Variants in RORA observed in about 807,000 individuals in gnomAD.
RORA encodes RAR related orphan receptor A, also known as nuclear receptor ROR-alpha.
RORA carries 7 observed loss-of-function variants against 69.5 expected under a neutral mutation model. The ratio of observed to expected loss-of-function variants is 0.10; its 90% CI spans 0.06 to 0.19. The LOEUF is 0.19. Among genes scored for constraint, RORA ranks in the 10% least tolerant of loss-of-function variants. The pLI, the probability that RORA is intolerant of heterozygous loss-of-function variation, is 1.00. For missense variants in RORA, 457 were observed against 663.0 expected (o/e 0.69, Z 3.41); for synonymous variants, 261 against 240.8 (o/e 1.08, Z -0.78).
In RORA at chr15:60,706,049, C is replaced by T. The variant is rs147565872; in HGVS notation, c.167-27363G>A. Among the ~76,000 whole-genome samples the T allele has an allele frequency of 4.9e-3, 741 of 152,248 alleles. 7 individuals carry two copies. Among genetic ancestry groups the T allele is most frequent in the African/African-American group, 0.017 (693 of 41,536 alleles). Reference sequence around the variant, plus strand: ...TAGAAAGCACGGTAAAAAGGGCACACGCATAGTTATTTAGGCTAGATCTGC... The same window carrying T: ...TAGAAAGCACGGTAAAAAGGGCACATGCATAGTTATTTAGGCTAGATCTGC... On this transcript the variant is annotated intron_variant, in intron 1 of 10. Coordinates refer to ENST00000335670, the MANE Select transcript of RORA (RefSeq NM_134261.3).
At chr15:61,126,087 C>T (rs1256767324) in intron 1 of RORA, among the ~76,000 whole-genome samples, 1 of 152,154 alleles carries the variant, frequency 6.6e-6, no homozygotes, top group East Asian at 1.9e-4. Context: ...CTTTAAAAAG[C>T]TCCTCCTCTG....
At chr15:60,623,629 A>G (rs1418437593) in intron 2 of RORA, among the ~76,000 whole-genome samples, 1 of 152,188 alleles carries the variant, frequency 6.6e-6, no homozygotes, top group Non-Finnish European at 1.5e-5. Flanking sequence ...CTCCAGAGCC[A>G]GGCTGTTGCC....
intron 1 of RORA, among the ~76,000 whole-genome samples, chr15:60,938,407 G>C (rs937197780): frequency 6.6e-6 from 1 of 152,218 alleles, no homozygotes; most frequent in African/African-American, 2.4e-5. Flanking sequence ...AAGGTTGCAT[G>C]CTGTATTCAA....
intron 1 of RORA, among the ~76,000 whole-genome samples, chr15:61,133,508 A>G (rs2079210309): frequency 6.6e-6 from 1 of 152,312 alleles, no homozygotes; most frequent in African/African-American, 2.4e-5. Context: ...AAACCCGGAG[A>G]GTTGAGGGCT....
At chr15:61,202,857 C>T (rs1018705269) in intron 1 of RORA, among the ~76,000 whole-genome samples, 1 of 152,148 alleles carries the variant, frequency 6.6e-6, no homozygotes, top group African/African-American at 2.4e-5. Context: ...CGTATTTAGG[C>T]TCTGAATTTC....
In RORA at chr15:60,489,066, C is replaced by G. The variant is rs763551348; in HGVS notation, c.*8389G>C. ...TTGTGCAGACGCAAAAAGATACAAT[C>G]TCTACCCTCAGGAAGCTTAGGATGC... On this transcript the variant is annotated 3_prime_UTR_variant, in exon 11 of 11. Coordinates refer to ENST00000335670, the MANE Select transcript of RORA (RefSeq NM_134261.3). The G allele has an allele frequency of 6.6e-6, 1 of 152,138 alleles. No homozygotes were observed. Among genetic ancestry groups the G allele is most frequent in the African/African-American group, 2.4e-5 (1 of 41,416 alleles). The allele number at this position is 152,138 out of a possible 1,614,324, so 9.4% of individuals were successfully genotyped here.
Position 61,213,701 on chromosome 15 carries a change from T to C in RORA, c.166+15352A>G, listed in dbSNP as rs533283709. On this transcript the variant is annotated intron_variant, in intron 1 of 10. Coordinates refer to ENST00000335670, the MANE Select transcript of RORA (RefSeq NM_134261.3). The surrounding 1 kb of genome is among the most constrained non-coding windows in gnomAD (Gnocchi z 4.1). ...CATTTTCTCCTTCTTCTCTATGTTA[T>C]AGGTTTCCTAAGTATCTCTACTATA... The C allele has an allele frequency of 3.9e-5, 6 of 152,346 alleles. No individual in the cohort carries two copies. The highest frequency in any genetic ancestry group is 4.1e-4 in the South Asian group (2 of 4,828). 9.4% of individuals were successfully genotyped at this position (152,346 alleles called of 1,614,324 possible).
rs1253274261 is a variant in RORA, at chr15:60,702,661, G to C, written c.167-23975C>G. Among the ~76,000 whole-genome samples, 4 of 152,206 alleles carry C rather than the reference G, an allele frequency of 2.6e-5. No individual in the cohort carries two copies. In the East Asian group the frequency reaches 7.7e-4, roughly 29 times the overall value. On this transcript the variant is annotated intron_variant, in intron 1 of 10. Transcript: ENST00000335670. ...CCAGTATTAATATTAATGTTACCTA[G>C]CTTGGAAAATTTTACAAGGATTAAC...
chr15:60,899,400 T>C (rs1891322991), intron 1 of RORA, among the ~76,000 whole-genome samples: 1 of 152,100 alleles, frequency 6.6e-6, no homozygotes, highest in Non-Finnish European at 1.5e-5. Flanking sequence ...TGCATAGATG[T>C]GGATAGGAAA....
intron 2 of RORA, among the ~76,000 whole-genome samples, chr15:60,566,744 C>G (rs1337324796): frequency 6.6e-6 from 1 of 152,092 alleles, no homozygotes; most frequent in Non-Finnish European, 1.5e-5. Flanking sequence ...CTTCCCTAGG[C>G]AGTGAAAGTT....
intron 2 of RORA, among the ~76,000 whole-genome samples, chr15:60,594,911 C>T (rs1278950751): frequency 6.6e-6 from 1 of 152,174 alleles, no homozygotes; most frequent in African/African-American, 2.4e-5. Context: ...CCTAACCTTC[C>T]AATGTAGCTA....
rs113644227 is a variant in RORA at position 60,995,532 on chromosome 15, T to G, written c.166+233521A>C. On this transcript the variant is annotated intron_variant, in intron 1 of 10. Coordinates refer to ENST00000335670, the MANE Select transcript of RORA (RefSeq NM_134261.3). ...ACCAGGTCTCCTTCCTTCAAACTGG[T>G]GGGGCTTCCTCCCGCTCACTTAGTA... 5.7e-3 allele frequency among the ~76,000 whole-genome samples: 866 copies of G among 152,294 alleles called. 7 individuals are homozygous for G. Among genetic ancestry groups the G allele is most frequent in the African/African-American group, 0.019 (793 of 41,560 alleles).
At chr15:61,165,126 T>A (rs1464594723) in intron 1 of RORA, among the ~76,000 whole-genome samples, 1 of 152,200 alleles carries the variant, frequency 6.6e-6, no homozygotes, top group East Asian at 1.9e-4. Context: ...ACAGAATCTG[T>A]GTGTGAAAAA....
rs969280155 is a variant in RORA, at chr15:60,941,346, T to C, written c.167-262660A>G. On this transcript the variant is annotated intron_variant, in intron 1 of 10. Coordinates refer to ENST00000335670, the MANE Select transcript of RORA (RefSeq NM_134261.3). ...TGTTAAAGCTTCAAAATGATACAAC[T>C]GTGCCAGTCTTTGCTCAACTCCAAG... Among the ~76,000 whole-genome samples the C allele has an allele frequency of 3.3e-5, 5 of 152,384 alleles. No individual in the cohort carries two copies. In the East Asian group the frequency reaches 9.6e-4, roughly 29 times the overall value.
chr15:61,199,851 T>A (rs555133257), intron 1 of RORA, among the ~76,000 whole-genome samples: 1 of 152,302 alleles, frequency 6.6e-6, no homozygotes, highest in South Asian at 2.1e-4. Flanking sequence ...TTCCCCAGGC[T>A]TGTAAAACAG....
rs530626588 is a variant in RORA, at chr15:61,127,948, C to T, written c.166+101105G>A. Reference sequence around the variant, plus strand: ...GTCTGGCATAGACTATGAGGCCACACTGTATGCATCAGCTTCTTACAGCTA... The same window carrying T: ...GTCTGGCATAGACTATGAGGCCACATTGTATGCATCAGCTTCTTACAGCTA... On this transcript the variant is annotated intron_variant, in intron 1 of 10. Coordinates refer to ENST00000335670, the MANE Select transcript of RORA (RefSeq NM_134261.3). 4.6e-5 allele frequency among the ~76,000 whole-genome samples: 7 copies of T among 152,282 alleles called. No individual in the cohort carries two copies. In the East Asian group the frequency reaches 1.2e-3, roughly 25 times the overall value.
At chr15:60,869,558 G>A (rs2073529378) in intron 1 of RORA, among the ~76,000 whole-genome samples, 1 of 152,190 alleles carries the variant, frequency 6.6e-6, no homozygotes, top group Non-Finnish European at 1.5e-5. Context: ...TTATCAACAG[G>A]AGATTGCCAG....
intron 2 of RORA, among the ~76,000 whole-genome samples, chr15:60,567,015 T>C (rs2067731383): frequency 6.6e-6 from 1 of 152,186 alleles, no homozygotes; most frequent in South Asian, 2.1e-4. Context: ...TGAGAGCTCA[T>C]CTGTCCAATG....
chr15:60,581,282 G>C (rs2068185973), intron 2 of RORA, among the ~76,000 whole-genome samples: 2 of 152,150 alleles, frequency 1.3e-5, no homozygotes, highest in Non-Finnish European at 2.9e-5. Context: ...AAAACCCTGA[G>C]ACATCTTAAC....
Sources: allele counts gnomAD v4.1 joint callset (sites outside exome capture counted in the v4.1 genomes callset), GRCh38; gene constraint gnomAD v4.1.1; non-coding constraint Gnocchi (gnomAD v3.1); transcripts MANE v1.5; gene names NCBI Gene and HGNC (gene_info 2026-07-23, HGNC 2026-07-21).